The following USP34 variants were observed in gnomAD, a reference collection of about 807,000 sequenced individuals.
The protein encoded by USP34 is ubiquitin carboxyl-terminal hydrolase 34.
In USP34, 70 loss-of-function variants were observed where a neutral mutation model predicts 460.3. That is an observed-to-expected ratio of 0.15 (90% confidence interval 0.13 to 0.19). The LOEUF (loss-of-function observed/expected upper bound fraction) is 0.19. Among genes scored for constraint, USP34 ranks in the 10% least tolerant of loss-of-function variants. The pLI is 1.00. For missense variants in USP34, 3,985 were observed against 4,236.2 expected, an observed-to-expected ratio of 0.94 and a Z score of 1.65; for synonymous variants, 1,647 against 1,405.3, an observed-to-expected ratio of 1.17 and a Z score of -3.85.
intron 27 of USP34, among the ~76,000 whole-genome samples, chr2:61,308,856 C>A (rs754503441): frequency 3.3e-5 from 5 of 152,098 alleles, no homozygotes; most frequent in Non-Finnish European, 5.9e-5. Flanking sequence ...GCCTAGGCAA[C>A]ATGGTGAAAC....
chr2:61,325,240 A>G (rs1041558982), intron 21 of USP34, 135 bp downstream of exon 21: 2 of 559,498 alleles, frequency 3.6e-6, no homozygotes, highest in Non-Finnish European at 6.1e-6. Flanking sequence ...TGTAACAAAC[A>G]TACATGTGCC....
intron 1 of USP34, among the ~76,000 whole-genome samples, chr2:61,449,500 C>T (rs1187555674): frequency 7.9e-6 from 1 of 125,900 alleles, no homozygotes; most frequent in Non-Finnish European, 1.6e-5. Flanking sequence ...GAAGAGCCAA[C>T]ATAATTTTGA....
chr2:61,284,176 C>A (rs1445955164), intron 35 of USP34, among the ~76,000 whole-genome samples: 1 of 151,924 alleles, frequency 6.6e-6, no homozygotes, highest in Non-Finnish European at 1.5e-5. Flanking sequence ...ATAAGTAAAC[C>A]CTCAAGAAGT....
intron 33 of USP34, among the ~76,000 whole-genome samples, chr2:61,290,467 T>C (rs1689816697): frequency 6.6e-6 from 1 of 152,154 alleles, no homozygotes; most frequent in Non-Finnish European, 1.5e-5. Context: ...AAATGAACCG[T>C]GGTATACCTA....
intron 27 of USP34, among the ~76,000 whole-genome samples, chr2:61,311,256 C>T (rs1012244941): frequency 6.6e-6 from 1 of 152,030 alleles, no homozygotes; most frequent in Non-Finnish European, 1.5e-5. Flanking sequence ...ACCCTTCCAC[C>T]CTCTGCCTGT....
chr2:61,440,126 T>C (rs1466658537), intron 1 of USP34, among the ~76,000 whole-genome samples: 2 of 152,082 alleles, frequency 1.3e-5, no homozygotes, highest in Non-Finnish European at 2.9e-5. Context: ...GCCAGCAGCA[T>C]GGCCGTCCCT....
intron 7 of USP34, among the ~76,000 whole-genome samples, chr2:61,379,141 A>G (rs1029402727): frequency 6.6e-6 from 1 of 152,176 alleles, no homozygotes; most frequent in Non-Finnish European, 1.5e-5. Context: ...AGTATCTTTT[A>G]TATTTATGAA....
chr2:61,307,558 A>T (rs182685521), intron 27 of USP34, among the ~76,000 whole-genome samples: 3 of 147,990 alleles, frequency 2.0e-5, no homozygotes, highest in Admixed American at 1.4e-4. Context: ...GATGTTAATT[A>T]AAAAAAAAAA....
chr2:61,364,903 C>T (rs1012636172), intron 10 of USP34, among the ~76,000 whole-genome samples: 1 of 151,950 alleles, frequency 6.6e-6, no homozygotes, highest in African/African-American at 2.4e-5. Flanking sequence ...GTACTCCAGC[C>T]TGGGCAACAG....
rs776491427 is a variant in USP34, at chr2:61,405,691, C to G, written c.552+17G>C. 3 of 1,505,418 alleles carry G rather than the reference C, an allele frequency of 2.0e-6. No individual in the cohort carries two copies. The highest frequency in any genetic ancestry group is 2.7e-6 in the Non-Finnish European group (3 of 1,130,562). 93.3% of individuals were successfully genotyped at this position (1,505,418 alleles called of 1,614,324 possible). On this transcript the variant is annotated intron_variant, in intron 3 of 79. Transcript: ENST00000398571. ...GACTTGGTATTACTTAAAATTCACA[C>G]CACCTATTTTACATACCTCAATAGT...
At chr2:61,382,267 C>T (rs1047423531) in intron 6 of USP34, among the ~76,000 whole-genome samples, 2 of 152,152 alleles carry the variant, frequency 1.3e-5, no homozygotes, top group African/African-American at 4.8e-5. Flanking sequence ...TAAATCCATA[C>T]TCCTTACAGT....
At chr2:61,411,710 G>A (rs528595625) in intron 2 of USP34, among the ~76,000 whole-genome samples, 1 of 152,162 alleles carries the variant, frequency 6.6e-6, no homozygotes, top group African/African-American at 2.4e-5. Context: ...AGCCCGTTTA[G>A]CCCCAACAAG....
chr2:61,299,485 G>C (rs1373363638), intron 29 of USP34, among the ~76,000 whole-genome samples: 3 of 152,186 alleles, frequency 2.0e-5, no homozygotes. Context: ...GGGCACAGCA[G>C]CTTATGCCTA....
At chr2:61,195,381 A>AAG (rs897251903) in intron 75 of USP34, among the ~76,000 whole-genome samples, 1 of 151,448 alleles carries the variant, frequency 6.6e-6, no homozygotes, top group Non-Finnish European at 1.5e-5. Flanking sequence ...AAAAAAAAAA[A>AAG]AAATCAGCCA....
At chr2:61,424,802 C>A (rs2950269) in intron 1 of USP34, among the ~76,000 whole-genome samples, 79,524 of 151,246 alleles carry the variant, frequency 0.53, 21,175 homozygotes, top group East Asian at 0.72. Flanking sequence ...TAAAGGAGTT[C>A]AGGAAATCCA....
intron 10 of USP34, among the ~76,000 whole-genome samples, chr2:61,360,509 A>G (rs752246164): frequency 6.6e-6 from 1 of 152,242 alleles, no homozygotes; most frequent in Non-Finnish European, 1.5e-5. Flanking sequence ...AGACTTGTAC[A>G]CTGAAAATTA....
At chr2:61,365,295 GTGTT>G (rs1692399950) in intron 10 of USP34, among the ~76,000 whole-genome samples, 1 of 113,332 alleles carries the variant, frequency 8.8e-6, no homozygotes, top group Non-Finnish European at 1.9e-5. Context: ...ACACACACGT[GTGTT>G]TATTTATAAA....
At chr2:61,251,436 AC>A (rs1300425206) in intron 48 of USP34, among the ~76,000 whole-genome samples, 4 of 152,244 alleles carry the variant, frequency 2.6e-5, no homozygotes, top group Admixed American at 2.0e-4. Flanking sequence ...CAGGTTGTCT[AC>A]TAAAGATTAC....
At position 61,350,250 on chromosome 2, in the gene USP34, C is replaced by T; in HGVS notation, c.1507+10G>A. The T allele has an allele frequency of 1.3e-6, 2 of 1,588,228 alleles. No individual in the cohort carries two copies. The highest frequency in any genetic ancestry group is 1.7e-6 in the Non-Finnish European group (2 of 1,167,746). On this transcript the variant is annotated intron_variant, in intron 12 of 79. Transcript: ENST00000398571. Reference sequence around the variant, plus strand: ...CAACAATTTACTTCAAAATACATGACATTACTAACCTTTCTTATTTCCAAT... The same window carrying T: ...CAACAATTTACTTCAAAATACATGATATTACTAACCTTTCTTATTTCCAAT...
Sources: gnomAD v4.1 joint callset for allele counts (sites outside exome capture counted in the v4.1 genomes callset) on GRCh38, gnomAD v4.1.1 for gene constraint, MANE v1.5 for transcripts, NCBI Gene and HGNC (gene_info 2026-07-23, HGNC 2026-07-21) for gene names.